The following DIP2B variants were observed in gnomAD, a reference collection of about 807,000 sequenced individuals.
DIP2B encodes the protein DIP2 acetate--CoA ligase B (putative), also known as disco-interacting protein 2 homolog B.
DIP2B carries 76 observed loss-of-function variants against 198.0 expected under a neutral mutation model. The ratio of observed to expected loss-of-function variants is 0.38; its 90% CI spans 0.32 to 0.46. The LOEUF is 0.46. Among genes scored for constraint, DIP2B ranks in the 20% least tolerant of loss-of-function variants. DIP2B has a pLI of 0.99. For synonymous variants in DIP2B, 701 were observed against 739.1 expected, an observed-to-expected ratio of 0.95 and a Z score of 0.84; for missense variants, 1,559 against 1,978.4, an observed-to-expected ratio of 0.79 and a Z score of 4.02.
intron 2 of DIP2B, among the ~76,000 whole-genome samples, chr12:50,634,126 T>G (rs921926829): frequency 2.0e-5 from 3 of 152,188 alleles, no homozygotes; most frequent in African/African-American, 7.2e-5. Context: ...CATCTTTCAG[T>G]AGTTGGAGGC....
intron 1 of DIP2B, among the ~76,000 whole-genome samples, chr12:50,542,292 A>G (rs1473632011): frequency 6.6e-6 from 1 of 152,026 alleles, no homozygotes; most frequent in Non-Finnish European, 1.5e-5. Flanking sequence ...GAAAATCTCA[A>G]AATCTCATAA....
intron 28 of DIP2B, among the ~76,000 whole-genome samples, chr12:50,726,475 C>G (rs182042298): frequency 6.6e-6 from 1 of 152,024 alleles, no homozygotes; most frequent in Non-Finnish European, 1.5e-5. Context: ...CTCAGCCTCC[C>G]GAGTAGCTGG....
chr12:50,605,681 T>C (rs950932035), intron 1 of DIP2B, among the ~76,000 whole-genome samples: 3 of 152,242 alleles, frequency 2.0e-5, no homozygotes, highest in Admixed American at 2.0e-4. Context: ...ATATTTGATA[T>C]AAATGGAGTC....
chr12:50,699,071 A>G lies in DIP2B; in HGVS notation c.2194A>G (p.Met732Val). The change falls in exon 19 of 38, where the codon ATG becomes GTG. Residue 732 changes from methionine (M) to valine (V), a missense_variant. By Grantham distance (21) the Met-to-Val change is conservative. Transcript: ENST00000301180. ...DVGHVMPGGM[M>V]CIVKPDGPPQ... is the part of the protein sequence containing the mutation. The stretch of plus-strand genomic sequence containing the variant: ...CTGTATTTTCTGTACGTTAGGGATG[A>G]TGTGCATTGTGAAACCAGATGGACC... The G allele has an allele frequency of 6.2e-7, 1 of 1,614,114 alleles. No individual in the cohort carries two copies. The highest frequency in any genetic ancestry group is 8.5e-7 in the Non-Finnish European group (1 of 1,180,014).
At chr12:50,683,279 C>T in intron 10 of DIP2B, 31 bp downstream of exon 10, 4 of 1,561,424 alleles carry the variant, frequency 2.6e-6, no homozygotes, top group Non-Finnish European at 3.5e-6. Flanking sequence ...AGGAATGTAG[C>T]CTGATGTGAC....
At chr12:50,742,841 G>A (rs973454271) in intron 37 of DIP2B, among the ~76,000 whole-genome samples, 2 of 151,722 alleles carry the variant, frequency 1.3e-5, no homozygotes, top group African/African-American at 2.4e-5. Flanking sequence ...GGTTGCAATG[G>A]GCCAAGATTG....
At chr12:50,603,487 C>G (rs1399740112) in intron 1 of DIP2B, among the ~76,000 whole-genome samples, 2 of 152,020 alleles carry the variant, frequency 1.3e-5, no homozygotes, top group Non-Finnish European at 2.9e-5. Context: ...GCCTATAATC[C>G]TAGCACTTTG....
At chr12:50,742,549 G>C (rs978365257) in intron 37 of DIP2B, among the ~76,000 whole-genome samples, 8 of 152,084 alleles carry the variant, frequency 5.3e-5, no homozygotes, top group African/African-American at 1.9e-4. Flanking sequence ...ATGCTAAACA[G>C]CCACAGTTCT....
chr12:50,567,907 A>G (rs916805927), intron 1 of DIP2B, among the ~76,000 whole-genome samples: 1 of 152,174 alleles, frequency 6.6e-6, no homozygotes, highest in Non-Finnish European at 1.5e-5. Flanking sequence ...AGAATTGGTC[A>G]TATTTTCTTG....
At chr12:50,622,495 A>G (rs1226452091) in intron 1 of DIP2B, among the ~76,000 whole-genome samples, 1 of 152,256 alleles carries the variant, frequency 6.6e-6, no homozygotes, top group Non-Finnish European at 1.5e-5. Flanking sequence ...GAAACTATAA[A>G]ACCACTTCAT....
chr12:50,719,658 A>C (rs1939796588), intron 25 of DIP2B, among the ~76,000 whole-genome samples: 1 of 151,984 alleles, frequency 6.6e-6, no homozygotes, highest in East Asian at 2.0e-4. Context: ...CCTGACCAAC[A>C]TGTGAAACGC....
intron 1 of DIP2B, among the ~76,000 whole-genome samples, chr12:50,620,184 A>T (rs1479372552): frequency 6.6e-6 from 1 of 152,206 alleles, no homozygotes; most frequent in African/African-American, 2.4e-5. Flanking sequence ...GTAAATACAC[A>T]CTAACTGCTC....
At chr12:50,591,918 T>G (rs1263265825) in intron 1 of DIP2B, among the ~76,000 whole-genome samples, 10 of 151,284 alleles carry the variant, frequency 6.6e-5, no homozygotes, top group Non-Finnish European at 1.3e-4. Context: ...TGCACTGTTG[T>G]CCAGGCTAGA....
At chr12:50,560,086 G>A (rs1439602075) in intron 1 of DIP2B, among the ~76,000 whole-genome samples, 1 of 152,012 alleles carries the variant, frequency 6.6e-6, no homozygotes, top group South Asian at 2.1e-4. Flanking sequence ...AGATCAGCCC[G>A]GCCAACATGG....
chr12:50,662,596 G>A (rs1039298038), intron 4 of DIP2B, among the ~76,000 whole-genome samples: 12 of 152,168 alleles, frequency 7.9e-5, no homozygotes, highest in African/African-American at 2.9e-4. Context: ...CCAATGCCTA[G>A]TTGTAGCTTA....
intron 1 of DIP2B, among the ~76,000 whole-genome samples, chr12:50,607,975 TAG>T (rs1958998571): frequency 1.3e-5 from 2 of 152,252 alleles, no homozygotes; most frequent in South Asian, 4.1e-4. Flanking sequence ...GTATTTTTTG[TAG>T]AGACAGGTTT....
At chr12:50,700,414 ACTC>A (rs1447684742) in intron 19 of DIP2B, among the ~76,000 whole-genome samples, 1 of 152,120 alleles carries the variant, frequency 6.6e-6, no homozygotes, top group Non-Finnish European at 1.5e-5. Context: ...TTATATAAGC[ACTC>A]CTATTTTTCA....
chr12:50,697,331 C>T (rs776794091), intron 17 of DIP2B, among the ~76,000 whole-genome samples, 156 bp downstream of exon 17: 5 of 152,078 alleles, frequency 3.3e-5, no homozygotes, highest in Non-Finnish European at 5.9e-5. Flanking sequence ...ATGCAGTAAA[C>T]TGAAAAATTT....
intron 4 of DIP2B, among the ~76,000 whole-genome samples, chr12:50,664,173 T>A (rs2139515886): frequency 6.6e-6 from 1 of 152,328 alleles, no homozygotes; most frequent in African/African-American, 2.4e-5. Flanking sequence ...AGAGCTGCTC[T>A]TTTTGAGGGA....
Sources: allele counts gnomAD v4.1 joint callset (sites outside exome capture counted in the v4.1 genomes callset), GRCh38; gene constraint gnomAD v4.1.1; transcripts MANE v1.5; gene names NCBI Gene and HGNC (gene_info 2026-07-23, HGNC 2026-07-21).